GALNTL6: variants seen among roughly 807,000 people sequenced by gnomAD.
GALNTL6 encodes polypeptide N-acetylgalactosaminyltransferase like 6.
In GALNTL6, 46 loss-of-function variants were observed where a neutral mutation model predicts 73.7. The ratio of observed to expected loss-of-function variants is 0.62; its 90% CI spans 0.49 to 0.80. The LOEUF (loss-of-function observed/expected upper bound fraction) is 0.80, where lower values mean the gene tolerates loss of function less well. Ranked by LOEUF, GALNTL6 falls within the 30% of genes least tolerant of loss-of-function variation. The pLI is 0.00. For synonymous variants in GALNTL6, 259 were observed against 263.7 expected (o/e 0.98, Z 0.17); for missense variants, 604 against 755.0 (o/e 0.80, Z 2.34).
At chr4:171,882,162 T>G (rs1736467679) in intron 2 of GALNTL6, among the ~76,000 whole-genome samples, 1 of 152,216 alleles carries the variant, frequency 6.6e-6, no homozygotes, top group South Asian at 2.1e-4. Context: ...TTCACTGAGC[T>G]TCAGTAAATA....
chr4:172,495,576 G>T (rs1454865721), intron 5 of GALNTL6, among the ~76,000 whole-genome samples: 1 of 152,096 alleles, frequency 6.6e-6, no homozygotes, highest in Non-Finnish European at 1.5e-5. Context: ...TGTGTGATTG[G>T]TCCAGCACTC....
chr4:172,865,621 C>A (rs1442769145), intron 7 of GALNTL6, among the ~76,000 whole-genome samples: 1 of 152,142 alleles, frequency 6.6e-6, no homozygotes, highest in Non-Finnish European at 1.5e-5. Flanking sequence ...TTAAAATATA[C>A]ACATAAATCA....
chr4:172,644,663 A>G (rs1291668946), intron 5 of GALNTL6, among the ~76,000 whole-genome samples: 5 of 151,968 alleles, frequency 3.3e-5, no homozygotes, highest in Non-Finnish European at 5.9e-5. Context: ...TAAAGCTGTA[A>G]TGAATATTTT....
chr4:172,630,684 T>C (rs1490586664), intron 5 of GALNTL6, among the ~76,000 whole-genome samples: 1 of 148,914 alleles, frequency 6.7e-6, no homozygotes, highest in Non-Finnish European at 1.5e-5. Flanking sequence ...CTTTAATTAC[T>C]TTTCCTTTAT....
chr4:172,272,807 G>A (rs1305074053), intron 3 of GALNTL6, among the ~76,000 whole-genome samples: 1 of 152,254 alleles, frequency 6.6e-6, no homozygotes, highest in East Asian at 1.9e-4. Context: ...AATATCATAA[G>A]AGCATGTGAA....
chr4:172,611,321 C>G (rs1045329381), intron 5 of GALNTL6, among the ~76,000 whole-genome samples: 3 of 151,930 alleles, frequency 2.0e-5, no homozygotes, highest in Non-Finnish European at 4.4e-5. Context: ...AAGTAATGGT[C>G]TTTCATTTCC....
chr4:172,612,445 C>T (rs1417573356), intron 5 of GALNTL6, among the ~76,000 whole-genome samples: 2 of 152,046 alleles, frequency 1.3e-5, no homozygotes, highest in Non-Finnish European at 2.9e-5. Context: ...ACATGAAAGA[C>T]ATGGGGAGAT....
intron 2 of GALNTL6, among the ~76,000 whole-genome samples, chr4:171,864,476 A>G (rs1223777045): frequency 6.6e-6 from 1 of 152,220 alleles, no homozygotes; most frequent in East Asian, 1.9e-4. Context: ...TACAGATTAA[A>G]CAAGAAGGTA....
intron 2 of GALNTL6, among the ~76,000 whole-genome samples, chr4:172,198,157 T>G (rs991216837): frequency 2.0e-5 from 3 of 151,516 alleles, no homozygotes; most frequent in Non-Finnish European, 4.4e-5. Flanking sequence ...CCTTAGAAAA[T>G]TTAGGCAACG....
chr4:171,949,812 A>G (rs1222156891), intron 2 of GALNTL6, among the ~76,000 whole-genome samples: 1 of 152,204 alleles, frequency 6.6e-6, no homozygotes, highest in East Asian at 1.9e-4. Flanking sequence ...TGATTCTGAA[A>G]GAAGTGTGGA....
chr4:172,871,589 G>GGC (rs1417379133), intron 7 of GALNTL6, among the ~76,000 whole-genome samples: 1 of 93,986 alleles, frequency 1.1e-5, no homozygotes, highest in Non-Finnish European at 2.3e-5. Flanking sequence ...CTCTGACTCT[G>GGC]GGGGGGGTGT....
At chr4:171,912,578 A>G (rs954575074) in intron 2 of GALNTL6, among the ~76,000 whole-genome samples, 2 of 152,158 alleles carry the variant, frequency 1.3e-5, no homozygotes, top group African/African-American at 4.8e-5. Context: ...TTTCTTCTAG[A>G]CATTTTTGAA....
At chr4:171,822,458 C>A (rs992104717) in intron 2 of GALNTL6, among the ~76,000 whole-genome samples, 1 of 152,094 alleles carries the variant, frequency 6.6e-6, no homozygotes, top group Non-Finnish European at 1.5e-5. Flanking sequence ...ACAAAAATTA[C>A]CTCATAATAG....
chr4:171,814,799 G>A, intron 2 of GALNTL6, 81 bp downstream of exon 2: 4 of 1,445,732 alleles, frequency 2.8e-6, no homozygotes, highest in Non-Finnish European at 3.8e-6. Context: ...AGCCGGTGTG[G>A]GATCGCCTTG....
At chr4:171,928,674 T>A (rs1022937992) in intron 2 of GALNTL6, among the ~76,000 whole-genome samples, 5 of 152,224 alleles carry the variant, frequency 3.3e-5, no homozygotes, top group African/African-American at 9.6e-5. Flanking sequence ...CATAAGATTA[T>A]AATACCGTAT....
chr4:172,631,286 A>G (rs938221658), intron 5 of GALNTL6, among the ~76,000 whole-genome samples: 5 of 151,880 alleles, frequency 3.3e-5, no homozygotes, highest in African/African-American at 1.2e-4. Flanking sequence ...CTGAGACTAC[A>G]GGCACACACC....
chr4:172,311,508 A>C, intron 3 of GALNTL6, 106 bp from the exon 4 acceptor site: 1 of 817,066 alleles, frequency 1.2e-6, no homozygotes, highest in Non-Finnish European at 1.8e-6. Flanking sequence ...CTCCTTCTGC[A>C]GAGCACAGCA....
chr4:172,798,054 A>C (rs1307888724), intron 5 of GALNTL6, among the ~76,000 whole-genome samples: 1 of 152,120 alleles, frequency 6.6e-6, no homozygotes, highest in Non-Finnish European at 1.5e-5. Flanking sequence ...ATTGGGTTTT[A>C]CTGGGGGCCT....
chr4:172,514,826 T>TCG (rs1462950933), intron 5 of GALNTL6, among the ~76,000 whole-genome samples: 1 of 152,116 alleles, frequency 6.6e-6, no homozygotes, highest in Non-Finnish European at 1.5e-5. Context: ...CTCTCTAAAT[T>TCG]TATTTCAGCT....
Sources: gnomAD v4.1 joint callset for allele counts (sites outside exome capture counted in the v4.1 genomes callset) on GRCh38, gnomAD v4.1.1 for gene constraint, MANE v1.5 for transcripts, NCBI Gene and HGNC (gene_info 2026-07-23, HGNC 2026-07-21) for gene names.